AKAP9: variants seen among roughly 807,000 people sequenced by gnomAD.
The protein encoded by AKAP9 is A-kinase anchor protein 9.
AKAP9 carries 311 observed loss-of-function variants against 488.5 expected under a neutral mutation model. That is an observed-to-expected ratio of 0.64 (90% CI 0.58 to 0.70). AKAP9 has a LOEUF of 0.70. AKAP9 is among the 30% of genes least tolerant of loss of function. The probability of loss-of-function intolerance (pLI) is 0.00; values close to 1 mark genes in which losing one functional copy is unlikely to be tolerated. For synonymous variants in AKAP9, 1,462 were observed against 1,483.5 expected (o/e 0.99, Z 0.33); for missense variants, 4,215 against 4,374.5 (o/e 0.96, Z 1.03).
chr7:91,986,037 G>C (rs996178039), intron 3 of AKAP9, among the ~76,000 whole-genome samples: 1 of 152,098 alleles, frequency 6.6e-6, no homozygotes, highest in Non-Finnish European at 1.5e-5. Flanking sequence ...CTTTGAATCT[G>C]TCTGGTCCTG....
At chr7:92,074,581 T>C (rs1812254191) in intron 28 of AKAP9, among the ~76,000 whole-genome samples, 1 of 152,214 alleles carries the variant, frequency 6.6e-6, no homozygotes, top group Admixed American at 6.5e-5. Context: ...ATTGCAGCAC[T>C]ATTCACAATA....
chr7:91,991,458 A>T (rs987330819), intron 3 of AKAP9, among the ~76,000 whole-genome samples: 1 of 151,430 alleles, frequency 6.6e-6, no homozygotes, highest in African/African-American at 2.4e-5. Context: ...GAAACCAGCC[A>T]AATGGGAAGA....
chr7:92,093,123 A>T lies in AKAP9; in HGVS notation c.9385A>T (p.Lys3129Ter). 6.2e-7 allele frequency: 1 copy of T among 1,614,120 alleles called. No individual in the cohort carries two copies. Among genetic ancestry groups the T allele is most frequent in the South Asian group, 1.1e-5 (1 of 91,082 alleles). ...ACTCTTGGAATATAATATACAGCAG[A>T]AGCAGTCTCAAATGCTGGAGATGCA... ...QELLEYNIQQ[K>*]QSQMLEMQVE... Residue 3129 changes from lysine (K) to a stop codon, truncating the protein, a stop_gained, in exon 39 of 50, where the codon AAG (lysine) becomes TAG (stop). Transcript: ENST00000356239. LOFTEE classifies it high-confidence loss of function.
intron 8 of AKAP9, among the ~76,000 whole-genome samples, chr7:92,010,931 G>A (rs1246035509): frequency 1.3e-5 from 2 of 152,088 alleles, no homozygotes; most frequent in Non-Finnish European, 2.9e-5. Flanking sequence ...GGGATTATAA[G>A]TACAAGTTAC....
At chr7:92,062,901 C>T (rs538273914) in intron 24 of AKAP9, among the ~76,000 whole-genome samples, 42 of 152,164 alleles carry the variant, frequency 2.8e-4, no homozygotes, top group African/African-American at 9.4e-4. Flanking sequence ...TTTTGACTTG[C>T]AAGCAGAGTA....
chr7:92,090,737 A>G (rs1815394136), intron 38 of AKAP9: 1 of 152,162 alleles, frequency 6.6e-6, no homozygotes, highest in South Asian at 2.1e-4. Context: ...TTTAGCTATC[A>G]ATGTTATTAT....
chr7:92,059,935 A>C (rs1809457054), intron 22 of AKAP9, among the ~76,000 whole-genome samples: 1 of 151,942 alleles, frequency 6.6e-6, no homozygotes, highest in African/African-American at 2.4e-5. Flanking sequence ...GAAATAATTT[A>C]TAATTTAAAA....
In AKAP9 at chr7:92,093,183, G is replaced by A; in HGVS notation, c.9445G>A (p.Glu3149Lys). 10 of 1,614,186 alleles carry A rather than the reference G, an allele frequency of 6.2e-6. No individual in the cohort carries two copies. The highest frequency in any genetic ancestry group is 8.5e-6 in the Non-Finnish European group (10 of 1,180,026). Residue 3149 changes from glutamate (E) to lysine (K), a missense_variant, in exon 39 of 50, where the codon GAA becomes AAA. Physicochemically the swap from Glu to Lys is moderately conservative, Grantham distance 56. Around this residue, in one of 5 missense-constraint regions of AKAP9, gnomAD observed 1,476 missense variants for 1,477.4 expected, o/e 1.00. Transcript: ENST00000356239. ...CAGCAGTATGAAAGACAGAGCAACG[G>A]AACTGCAGGAGCAGCTGAGTTCTGA... ...ELSSMKDRATELQEQLSSEKM... is the reference protein window; with the variant it reads ...ELSSMKDRATKLQEQLSSEKM...
intron 8 of AKAP9, among the ~76,000 whole-genome samples, chr7:92,009,175 C>G (rs1426481544): frequency 6.6e-6 from 1 of 151,688 alleles, no homozygotes; most frequent in Non-Finnish European, 1.5e-5. Flanking sequence ...AAAAAATCAG[C>G]CAGATGTCTG....
chr7:92,021,075 A>C (rs542386251), intron 12 of AKAP9, among the ~76,000 whole-genome samples: 23 of 152,306 alleles, frequency 1.5e-4, no homozygotes, highest in African/African-American at 5.3e-4. Flanking sequence ...ATCATTGTCA[A>C]TTATGGCATA....
rs536135091 is a variant in AKAP9 at position 92,077,312 on chromosome 7, C to T, written c.6765+305C>T. On this transcript the variant is annotated intron_variant, in intron 29 of 49. Coordinates refer to ENST00000356239, the MANE Select transcript of AKAP9 (RefSeq NM_005751.5). ...TTCACCGTGTTAGCCAGGATGCTCTCGATCTCCTGACCTCGTGATCCGCCT... is the reference window on the plus strand; with the variant it reads ...TTCACCGTGTTAGCCAGGATGCTCTTGATCTCCTGACCTCGTGATCCGCCT... 1.6e-4 allele frequency among the ~76,000 whole-genome samples: 24 copies of T among 151,930 alleles called. No homozygotes were observed. In the East Asian group the frequency reaches 4.3e-3, roughly 27 times the overall value.
Position 92,077,872 on chromosome 7 carries a change from C to A in AKAP9, c.6942C>A (p.Asn2314Lys), listed in dbSNP as rs1292290476. ...LQQQLKITTD[N>K]KVIEEKNELI... Reference sequence around the variant, plus strand: ...AGCAACTTAAAATTACAACAGATAACAAGGTATACTCATTTAAAATTGATT... The same window carrying A: ...AGCAACTTAAAATTACAACAGATAAAAAGGTATACTCATTTAAAATTGATT... Residue 2314 changes from asparagine to lysine, a missense_variant, in exon 30 of 50, where the codon AAC becomes AAA. Transcript: ENST00000356239. The A allele has an allele frequency of 6.2e-7, 1 of 1,608,832 alleles. No homozygotes were observed. Among genetic ancestry groups the A allele is most frequent in the Non-Finnish European group, 8.5e-7 (1 of 1,176,238 alleles).
intron 2 of AKAP9, among the ~76,000 whole-genome samples, chr7:91,976,723 A>G (rs1795745653): frequency 6.7e-6 from 1 of 148,924 alleles, no homozygotes; most frequent in South Asian, 2.1e-4. Context: ...ATTGCAATTC[A>G]TCTATCTTGA....
At chr7:92,041,974 A>T in intron 18 of AKAP9, 72 bp from the exon 19 acceptor site, 1 of 1,554,484 alleles carries the variant, frequency 6.4e-7, no homozygotes, top group Non-Finnish European at 8.8e-7. Context: ...GGTTAAAAGA[A>T]ATCTGCTTAA....
chr7:92,006,830 G>A (rs1318031489), intron 8 of AKAP9, among the ~76,000 whole-genome samples: 1 of 152,168 alleles, frequency 6.6e-6, no homozygotes, highest in East Asian at 1.9e-4. Flanking sequence ...TTGATGCTGG[G>A]AGAGGTCATA....
At position 92,076,875 on chromosome 7, in the gene AKAP9, A is replaced by G. The variant is rs753159178; in HGVS notation, c.6633A>G (p.Gln2211=). 6 of 1,483,000 alleles carry G rather than the reference A, an allele frequency of 4.0e-6. No homozygotes were observed. Among genetic ancestry groups the G allele is most frequent in the Non-Finnish European group, 5.6e-6 (6 of 1,079,310 alleles). The allele number at this position is 1,483,000 out of a possible 1,614,324, so 91.9% of individuals were successfully genotyped here. ...TAAAGATTACAAACTTAGAAGAGCA[A>G]TTAGAACAGTTTAGAGAAGAACTGG... ...KEKEITNLEE[Q]LEQFREELEN... The change falls in exon 29 of 50, where the codon CAA becomes CAG. Residue 2211 remains glutamine, a synonymous_variant. Transcript: ENST00000356239.
chr7:92,102,933 T>C, intron 46 of AKAP9, 107 bp downstream of exon 46: 1 of 1,029,096 alleles, frequency 9.7e-7, no homozygotes, highest in South Asian at 1.4e-5. Context: ...ATTTATATAG[T>C]AGGAGGTATG....
chr7:92,037,915 G>A (rs1805457931), intron 16 of AKAP9, among the ~76,000 whole-genome samples: 1 of 152,030 alleles, frequency 6.6e-6, no homozygotes, highest in African/African-American at 2.4e-5. Flanking sequence ...TGAACCCATT[G>A]GAAATTACAT....
chr7:92,060,187 T>A (rs1193253733), intron 22 of AKAP9, among the ~76,000 whole-genome samples: 2 of 152,078 alleles, frequency 1.3e-5, no homozygotes, highest in African/African-American at 4.8e-5. Context: ...AGTATTATCA[T>A]GATTTTGTAA....
Sources: gnomAD v4.1 joint callset for allele counts (sites outside exome capture counted in the v4.1 genomes callset) on GRCh38, gnomAD v4.1.1 for gene constraint, gnomAD v4.1.1 regional missense constraint, MANE v1.5 for transcripts, NCBI Gene and HGNC (gene_info 2026-07-23, HGNC 2026-07-21) for gene names.